Variants in KREMEN1 observed in about 807,000 individuals in gnomAD.
KREMEN1 encodes kringle containing transmembrane protein 1, also known as kremen protein 1.
A neutral mutation model predicts 46.5 loss-of-function variants in KREMEN1; 30 were observed. The observed-to-expected ratio is 0.65, with a 90% CI of 0.48 to 0.88. KREMEN1 has a LOEUF of 0.88. Ranked by LOEUF, KREMEN1 falls within the 40% of genes least tolerant of loss-of-function variation. The pLI is 0.00. For synonymous variants in KREMEN1, 214 were observed against 230.6 expected, an observed-to-expected ratio of 0.93 and a Z score of 0.65; for missense variants, 533 against 596.9, an observed-to-expected ratio of 0.89 and a Z score of 1.11.
At chr22:29,118,911 C>CT (rs1371839335) in intron 3 of KREMEN1, among the ~76,000 whole-genome samples, 4 of 152,160 alleles carry the variant, frequency 2.6e-5, no homozygotes, top group Non-Finnish European at 4.4e-5. Flanking sequence ...ACAAGACTGC[C>CT]CCCCACTTCA....
In KREMEN1 at chr22:29,125,299, G is replaced by GGAAACAATCCAGT. The variant is rs767566046; in HGVS notation, c.524_525insAGTGAAACAATCC (p.Asp176ValfsTer5). The GGAAACAATCCAGT allele has an allele frequency of 6.2e-7, 1 of 1,614,160 alleles. No homozygotes were observed. Among genetic ancestry groups the GGAAACAATCCAGT allele is most frequent in the Non-Finnish European group, 8.5e-7 (1 of 1,180,018 alleles). On this transcript the variant is annotated frameshift_variant, in exon 5 of 9. Coordinates refer to ENST00000400335, the MANE Select transcript of KREMEN1 (RefSeq NM_001039570.3). LOFTEE classifies it high-confidence loss of function. The stretch of plus-strand genomic sequence containing the variant: ...GGAGTCAGGCTATGCTTGCTTCTGT[G>GGAAACAATCCAGT]GAAACAATCCTGATTACTGGAAGTA...
intron 4 of KREMEN1, 115 bp downstream of exon 4, chr22:29,121,596 A>G: frequency 8.9e-7 from 1 of 1,120,458 alleles, no homozygotes; most frequent in Admixed American, 2.1e-5. Context: ...AAGGCCACAT[A>G]TTGTATGATT....
At position 29,098,048 on chromosome 22, in the gene KREMEN1, C is replaced by T. The variant is rs988646766; in HGVS notation, c.261-814C>T. On this transcript the variant is annotated intron_variant, in intron 2 of 8. Coordinates refer to ENST00000400335, the MANE Select transcript of KREMEN1 (RefSeq NM_001039570.3). Reference sequence around the variant, plus strand: ...AACAAAAATTAGTCAGGCATGGCGGCGGGCACTTGTAGTCCCAGCTACTCG... The same window carrying T: ...AACAAAAATTAGTCAGGCATGGCGGTGGGCACTTGTAGTCCCAGCTACTCG... 1.0e-3 allele frequency among the ~76,000 whole-genome samples: 156 copies of T among 152,078 alleles called. 1 individual carries two copies. The highest frequency in any genetic ancestry group is 4.5e-3 in the Admixed American group (69 of 15,278).
intron 3 of KREMEN1, 53 bp from the exon 4 acceptor site, chr22:29,121,303 TG>T: frequency 6.2e-7 from 1 of 1,603,710 alleles, no homozygotes; most frequent in South Asian, 1.1e-5. Flanking sequence ...TTTTCCTTCT[TG>T]GTGTTTCACA....
At chr22:29,090,665 A>T (rs139814197) in intron 1 of KREMEN1, among the ~76,000 whole-genome samples, 1,685 of 152,308 alleles carry the variant, frequency 0.011, 27 homozygotes, top group African/African-American at 0.038. Flanking sequence ...AAGAAAAAAA[A>T]TAAGGGAGGT....
chr22:29,121,247 A>G, intron 3 of KREMEN1, 110 bp from the exon 4 acceptor site: 2 of 1,253,992 alleles, frequency 1.6e-6, no homozygotes, highest in Non-Finnish European at 2.2e-6. Flanking sequence ...TTTGTACCTC[A>G]GGAGTGGAAA....
Position 29,144,605 on chromosome 22 carries a change from C to G in KREMEN1, c.*2493C>G. 1.0e-6 allele frequency: 1 copy of G among 985,548 alleles called. No individual in the cohort carries two copies. The highest frequency in any genetic ancestry group is 1.2e-6 in the Non-Finnish European group (1 of 829,992). 61.1% of individuals were successfully genotyped at this position (985,548 alleles called of 1,614,324 possible). On this transcript the variant is annotated 3_prime_UTR_variant, in exon 9 of 9. Coordinates refer to ENST00000400335, the MANE Select transcript of KREMEN1 (RefSeq NM_001039570.3). ...GCTATTCATGCTGTTTGTGGAATCT[C>G]TCTCAAACATAAGTGTCAGGTGTGT... is the stretch of plus-strand genomic sequence containing the variant.
At chr22:29,123,378 T>TA (rs930848403) in intron 4 of KREMEN1, among the ~76,000 whole-genome samples, 6 of 148,722 alleles carry the variant, frequency 4.0e-5, no homozygotes, top group African/African-American at 1.5e-4. Flanking sequence ...ACTCAATAGT[T>TA]AAAAAAACTG....
At chr22:29,113,809 G>A (rs532856716) in intron 3 of KREMEN1, among the ~76,000 whole-genome samples, 1 of 152,202 alleles carries the variant, frequency 6.6e-6, no homozygotes, top group East Asian at 1.9e-4. Context: ...ATGGCAGAAA[G>A]TGAGGAGCAT....
At chr22:29,167,178 G>A (rs2039059831) in exon 10 of KREMEN1, 1 of 1,185,270 alleles carries the variant, frequency 8.4e-7, no homozygotes, top group African/African-American at 1.5e-5. Context: ...CACCTTCATT[G>A]CCTCTCCTCG....
At chr22:29,080,751 A>T (rs1039340015) in intron 1 of KREMEN1, among the ~76,000 whole-genome samples, 1 of 152,082 alleles carries the variant, frequency 6.6e-6, no homozygotes, top group Admixed American at 6.6e-5. Flanking sequence ...ACATTTTGCA[A>T]TACTTGGAGA....
At chr22:29,093,089 G>A (rs2037827829) in intron 1 of KREMEN1, among the ~76,000 whole-genome samples, 1 of 152,208 alleles carries the variant, frequency 6.6e-6, no homozygotes, top group Non-Finnish European at 1.5e-5. Context: ...GGGCCTGGAT[G>A]GTCAGAGGAA....
At chr22:29,081,869 C>T (rs540780896) in intron 1 of KREMEN1, among the ~76,000 whole-genome samples, 15 of 152,322 alleles carry the variant, frequency 9.8e-5, no homozygotes, top group African/African-American at 3.6e-4. Flanking sequence ...GAAATGTGCT[C>T]TAGAGATATA....
At chr22:29,117,004 A>G (rs1160020962) in intron 3 of KREMEN1, among the ~76,000 whole-genome samples, 1 of 152,166 alleles carries the variant, frequency 6.6e-6, no homozygotes, top group Admixed American at 6.5e-5. Context: ...CACATTTGTT[A>G]TATTTGAACC....
At chr22:29,101,710 A>G (rs1286029771) in intron 3 of KREMEN1, among the ~76,000 whole-genome samples, 1 of 152,234 alleles carries the variant, frequency 6.6e-6, no homozygotes, top group Non-Finnish European at 1.5e-5. Context: ...TACAGTATTC[A>G]GTACAGTAAC....
intron 5 of KREMEN1, among the ~76,000 whole-genome samples, chr22:29,131,698 G>GTATATATACA (rs1721041066): frequency 8.6e-6 from 1 of 116,896 alleles, no homozygotes; most frequent in African/African-American, 3.8e-5. Context: ...ATGTATATAT[G>GTATATATACA]TGTATATATA....
At chr22:29,152,454 A>G (rs1017028592) in intron 9 of KREMEN1, among the ~76,000 whole-genome samples, 8 of 152,188 alleles carry the variant, frequency 5.3e-5, no homozygotes. Context: ...ACAGGCTAAA[A>G]TCACTTCCCT....
chr22:29,145,483 G>A lies in KREMEN1; in HGVS notation c.*3371G>A. The A allele has an allele frequency of 3.0e-6, 3 of 985,578 alleles. No individual in the cohort carries two copies. The highest frequency in any genetic ancestry group is 3.6e-6 in the Non-Finnish European group (3 of 830,082). 61.1% of individuals were successfully genotyped at this position (985,578 alleles called of 1,614,324 possible). Reference sequence around the variant, plus strand: ...CGCTGGCGCCAGGCCCTGCCTTCTTGGTACCTGTGCCAACAGGAGAGCCCT... The same window carrying A: ...CGCTGGCGCCAGGCCCTGCCTTCTTAGTACCTGTGCCAACAGGAGAGCCCT... On this transcript the variant is annotated 3_prime_UTR_variant, in exon 9 of 9. Transcript: ENST00000400335.
At chr22:29,161,368 G>C (rs566974978) in intron 9 of KREMEN1, among the ~76,000 whole-genome samples, 14 of 151,994 alleles carry the variant, frequency 9.2e-5, no homozygotes, top group South Asian at 8.3e-4. Context: ...TTAGCCAGGC[G>C]TGGTGGCAGG....
Sources: gnomAD v4.1 joint callset for allele counts (sites outside exome capture counted in the v4.1 genomes callset) on GRCh38, gnomAD v4.1.1 for gene constraint, MANE v1.5 for transcripts, NCBI Gene and HGNC (gene_info 2026-07-23, HGNC 2026-07-21) for gene names.